The following ARAP2 variants were observed in gnomAD, a reference collection of about 807,000 sequenced individuals.
ARAP2 encodes arf-GAP with Rho-GAP domain, ANK repeat and PH domain-containing protein 2.
ARAP2 carries 148 observed loss-of-function variants against 194.5 expected under a neutral mutation model. The observed-to-expected ratio is 0.76, with a 90% confidence interval of 0.67 to 0.87. The LOEUF (loss-of-function observed/expected upper bound fraction) is 0.87. ARAP2 is among the 40% of genes least tolerant of loss of function. The pLI is 0.00. For missense variants in ARAP2, 2,128 were observed against 1,989.7 expected, an observed-to-expected ratio of 1.07 and a Z score of -1.32; for synonymous variants, 695 against 683.5, an observed-to-expected ratio of 1.02 and a Z score of -0.26.
intron 6 of ARAP2, among the ~76,000 whole-genome samples, chr4:36,198,128 G>A (rs1009154557): frequency 3.9e-5 from 6 of 152,176 alleles, no homozygotes; most frequent in African/African-American, 1.4e-4. Context: ...TTTATTGAGT[G>A]ATAGAATAGC....
intron 6 of ARAP2, among the ~76,000 whole-genome samples, chr4:36,193,886 C>T (rs1289431340): frequency 6.6e-6 from 1 of 152,160 alleles, no homozygotes; most frequent in African/African-American, 2.4e-5. Context: ...AGCGTTGTTG[C>T]ACACATTTGT....
chr4:36,094,213 A>T (rs947127859), intron 27 of ARAP2, among the ~76,000 whole-genome samples: 2 of 152,166 alleles, frequency 1.3e-5, no homozygotes, highest in African/African-American at 4.8e-5. Context: ...AAATTTCTCA[A>T]AAGTTTGATG....
Position 36,178,008 on chromosome 4 carries a change from G to T in ARAP2, c.1679-3C>A. 1 of 1,582,976 alleles carries T rather than the reference G, an allele frequency of 6.3e-7. No homozygotes were observed. The highest frequency in any genetic ancestry group is 1.2e-5 in the South Asian group (1 of 85,954). On this transcript the variant is annotated splice_polypyrimidine_tract_variant and splice_region_variant and intron_variant, in intron 8 of 32. Coordinates refer to ENST00000303965, the MANE Select transcript of ARAP2 (RefSeq NM_015230.4). Reference sequence around the variant, plus strand: ...GCTGATCCAGTCATTTCTCTCCTCTGAAAATGAAGACAGGAGAAAATACAT... The same window carrying T: ...GCTGATCCAGTCATTTCTCTCCTCTTAAAATGAAGACAGGAGAAAATACAT...
intron 2 of ARAP2, among the ~76,000 whole-genome samples, chr4:36,227,586 CAGT>C (rs1207790295): frequency 1.3e-5 from 2 of 152,094 alleles, no homozygotes; most frequent in African/African-American, 4.8e-5. Flanking sequence ...CCAAGAGAAT[CAGT>C]AGCGGCCACA....
At chr4:36,168,290 T>C (rs1451018324) in intron 9 of ARAP2, among the ~76,000 whole-genome samples, 3 of 152,184 alleles carry the variant, frequency 2.0e-5, no homozygotes, top group Non-Finnish European at 2.9e-5. Context: ...GGGAAGTAAC[T>C]GCTAGAAGCA....
At chr4:36,154,408 T>C (rs558302233) in intron 15 of ARAP2, among the ~76,000 whole-genome samples, 23 of 152,230 alleles carry the variant, frequency 1.5e-4, no homozygotes, top group African/African-American at 4.8e-4. Flanking sequence ...AAGTTAAATA[T>C]AAACAGAAAT....
rs892572484 is a variant in ARAP2, at chr4:36,066,518, C to A, written c.*1389G>T. ...ACCACATCACTGTACTATGATTGGA[C>A]TGACTGAAGTATGGGCCTGTGAATA... On this transcript the variant is annotated 3_prime_UTR_variant, in exon 33 of 33. Transcript: ENST00000303965. 4 of 151,482 alleles carry A rather than the reference C, an allele frequency of 2.6e-5. No homozygotes were observed. Among genetic ancestry groups the A allele is most frequent in the African/African-American group, 7.3e-5 (3 of 41,224 alleles). The allele number at this position is 151,482 out of a possible 1,614,324, so 9.4% of individuals were successfully genotyped here.
intron 2 of ARAP2, among the ~76,000 whole-genome samples, chr4:36,218,514 T>C (rs1390742379): frequency 1.3e-5 from 2 of 152,116 alleles, no homozygotes; most frequent in African/African-American, 2.4e-5. Flanking sequence ...GTATGGTCTT[T>C]TGAAAGACTA....
At chr4:36,055,315 C>T (rs780530044) in intron 2 of ARAP2, among the ~76,000 whole-genome samples, 1 of 152,096 alleles carries the variant, frequency 6.6e-6, no homozygotes, top group African/African-American at 2.4e-5. Context: ...GTTCTTTGCC[C>T]GTGAATGCAC....
chr4:36,217,014 T>C (rs1014846092), intron 2 of ARAP2, among the ~76,000 whole-genome samples: 6 of 152,238 alleles, frequency 3.9e-5, no homozygotes, highest in Admixed American at 6.5e-5. Flanking sequence ...CTGCATATTC[T>C]ATCTTATTCT....
intron 27 of ARAP2, among the ~76,000 whole-genome samples, chr4:36,092,417 C>T (rs548908684): frequency 1.3e-5 from 2 of 152,224 alleles, no homozygotes; most frequent in East Asian, 3.9e-4. Flanking sequence ...CAAGACCAGC[C>T]TGGCCAACAT....
At chr4:36,118,251 C>G (rs1325810678) in intron 24 of ARAP2, among the ~76,000 whole-genome samples, 4 of 142,834 alleles carry the variant, frequency 2.8e-5, no homozygotes, top group African/African-American at 1.0e-4. Context: ...TTTGCATAAA[C>G]AGCTCTCCAG....
At chr4:36,022,683 T>C (rs931112294) in intron 5 of ARAP2, among the ~76,000 whole-genome samples, 10 of 152,050 alleles carry the variant, frequency 6.6e-5, no homozygotes, top group Non-Finnish European at 1.3e-4. Flanking sequence ...CCAGAGTGCA[T>C]GATAGAGAAG....
chr4:36,049,726 GAAAA>G (rs1378964253), intron 3 of ARAP2, among the ~76,000 whole-genome samples: 1 of 151,984 alleles, frequency 6.6e-6, no homozygotes, highest in Non-Finnish European at 1.5e-5. Flanking sequence ...TAATGTTAAA[GAAAA>G]CTAAAAGGAA....
At chr4:36,193,509 A>G in intron 7 of ARAP2, 69 bp downstream of exon 7, 1 of 1,064,274 alleles carries the variant, frequency 9.4e-7, no homozygotes, top group Non-Finnish European at 1.3e-6. Context: ...TTAAAAACCA[A>G]ACTGCTTGCT....
chr4:36,201,196 T>A (rs1030841235), intron 6 of ARAP2, among the ~76,000 whole-genome samples: 4 of 152,208 alleles, frequency 2.6e-5, no homozygotes, highest in Non-Finnish European at 4.4e-5. Context: ...ATATCCATTT[T>A]AGAGTTGAAG....
chr4:36,023,627 G>C (rs924827314), intron 5 of ARAP2, among the ~76,000 whole-genome samples: 10 of 152,200 alleles, frequency 6.6e-5, no homozygotes, highest in Non-Finnish European at 1.3e-4. Context: ...CCACATGTTA[G>C]TGTTTTTCCA....
intron 5 of ARAP2, among the ~76,000 whole-genome samples, chr4:36,045,408 G>A (rs1370546329): frequency 6.6e-6 from 1 of 152,076 alleles, no homozygotes; most frequent in Admixed American, 6.5e-5. Flanking sequence ...ATAATCTAGA[G>A]GGCATTATGC....
chr4:36,010,153 T>C (rs1046095449), intron 9 of ARAP2, among the ~76,000 whole-genome samples: 4 of 151,128 alleles, frequency 2.6e-5, no homozygotes, highest in African/African-American at 9.7e-5. Flanking sequence ...ATAAATATAA[T>C]TATATGTTGT....
Sources: gnomAD v4.1 joint callset for allele counts (sites outside exome capture counted in the v4.1 genomes callset) on GRCh38, gnomAD v4.1.1 for gene constraint, MANE v1.5 for transcripts, NCBI Gene and HGNC (gene_info 2026-07-23, HGNC 2026-07-21) for gene names.